PCDH15: variants seen among roughly 807,000 people sequenced by gnomAD.
PCDH15 encodes the protein protocadherin related 15.
In PCDH15, 129 loss-of-function variants were observed where a neutral mutation model predicts 178.5. That is an observed-to-expected ratio of 0.72 (90% CI 0.63 to 0.84). The LOEUF is 0.84. Ranked by LOEUF, PCDH15 falls within the 40% of genes least tolerant of loss-of-function variation. PCDH15 has a pLI of 0.00. For synonymous variants in PCDH15, 800 were observed against 732.0 expected, an observed-to-expected ratio of 1.09 and a Z score of -1.50; for missense variants, 2,230 against 2,099.9, an observed-to-expected ratio of 1.06 and a Z score of -1.21.
At chr10:54,166,733 G>T (rs1396177207) in intron 13 of PCDH15, among the ~76,000 whole-genome samples, 2 of 151,424 alleles carry the variant, frequency 1.3e-5, no homozygotes, top group South Asian at 2.1e-4. Flanking sequence ...GCACTTATAC[G>T]CCCAGATGGC....
intron 2 of PCDH15, among the ~76,000 whole-genome samples, chr10:54,597,861 A>G (rs1369183471): frequency 1.3e-5 from 2 of 152,182 alleles, no homozygotes; most frequent in Non-Finnish European, 2.9e-5. Context: ...GAAATCCTCT[A>G]TGAACACAAA....
intron 9 of PCDH15, among the ~76,000 whole-genome samples, chr10:54,233,594 G>C (rs2054301285): frequency 6.6e-6 from 1 of 152,214 alleles, no homozygotes. Context: ...AGAAGAATGT[G>C]TATTCTGCTG....
At chr10:53,852,990 A>G (rs796542446) in intron 28 of PCDH15, among the ~76,000 whole-genome samples, 53 of 152,196 alleles carry the variant, frequency 3.5e-4, no homozygotes, top group African/African-American at 1.3e-3. Context: ...CATCCCAGAC[A>G]TGGATAGGGG....
At chr10:55,105,604 G>A (rs1047062664) in intron 2 of PCDH15, among the ~76,000 whole-genome samples, 8 of 152,016 alleles carry the variant, frequency 5.3e-5, no homozygotes, top group Admixed American at 1.3e-4. Flanking sequence ...CATATGCAGG[G>A]TAGATGAATT....
chr10:54,448,872 C>T (rs1020617886), intron 3 of PCDH15, among the ~76,000 whole-genome samples: 7 of 151,796 alleles, frequency 4.6e-5, no homozygotes, highest in African/African-American at 7.2e-5. Flanking sequence ...CTTAGTCTTT[C>T]GGGCACAATG....
intron 13 of PCDH15, among the ~76,000 whole-genome samples, chr10:54,175,328 A>T (rs2047334518): frequency 6.6e-6 from 1 of 152,204 alleles, no homozygotes; most frequent in African/African-American, 2.4e-5. Flanking sequence ...AAACTTGAAT[A>T]TTTGAAATTA....
At chr10:54,365,038 T>G (rs1165776734) in intron 5 of PCDH15, among the ~76,000 whole-genome samples, 1 of 152,110 alleles carries the variant, frequency 6.6e-6, no homozygotes, top group African/African-American at 2.4e-5. Context: ...TTCCCTTGCC[T>G]CTCTCTGACT....
At chr10:55,190,197 C>A (rs552670048) in intron 1 of PCDH15, among the ~76,000 whole-genome samples, 43 of 151,556 alleles carry the variant, frequency 2.8e-4, no homozygotes, top group Admixed American at 1.1e-3. Flanking sequence ...ACAGACAAAA[C>A]TAATTTATGG....
intron 32 of PCDH15, chr10:53,822,648 G>GGA: frequency 6.2e-7 from 1 of 1,614,078 alleles, no homozygotes; most frequent in Non-Finnish European, 8.5e-7. Flanking sequence ...ACACTCAGCA[G>GGA]GAGAACTGAT....
intron 2 of PCDH15, among the ~76,000 whole-genome samples, chr10:55,135,720 T>C (rs766353380): frequency 1.3e-5 from 2 of 151,042 alleles, no homozygotes; most frequent in Non-Finnish European, 2.9e-5. Flanking sequence ...GTAGCTGGGG[T>C]TACAGGCACA....
chr10:54,166,159 A>G (rs1002501481), intron 13 of PCDH15, among the ~76,000 whole-genome samples: 1 of 152,112 alleles, frequency 6.6e-6, no homozygotes, highest in Non-Finnish European at 1.5e-5. Flanking sequence ...CATCTTCAAC[A>G]TCATATTATC....
intron 18 of PCDH15, among the ~76,000 whole-genome samples, chr10:54,037,738 G>A (rs577707954): frequency 6.6e-6 from 1 of 152,020 alleles, no homozygotes; most frequent in East Asian, 1.9e-4. Context: ...GTATTGCTTT[G>A]AGAAACAGAA....
intron 2 of PCDH15, among the ~76,000 whole-genome samples, chr10:55,142,495 T>G (rs1347569443): frequency 6.6e-6 from 1 of 151,446 alleles, no homozygotes; most frequent in East Asian, 1.9e-4. Flanking sequence ...AAATATATTT[T>G]CAGGTATTCT....
intron 3 of PCDH15, among the ~76,000 whole-genome samples, chr10:54,516,683 A>G (rs899005030): frequency 1.3e-5 from 2 of 151,934 alleles, no homozygotes; most frequent in Non-Finnish European, 2.9e-5. Context: ...AGGCAGGCCA[A>G]CGTTCAGATT....
At chr10:55,123,812 T>A (rs952298451) in intron 2 of PCDH15, among the ~76,000 whole-genome samples, 12 of 152,136 alleles carry the variant, frequency 7.9e-5, no homozygotes, top group African/African-American at 2.9e-4. Flanking sequence ...CTGCTCTCCA[T>A]TTGTCAGTTT....
intron 3 of PCDH15, among the ~76,000 whole-genome samples, chr10:54,481,334 G>T (rs538449075): frequency 6.6e-6 from 1 of 151,690 alleles, no homozygotes; most frequent in Admixed American, 6.6e-5. Flanking sequence ...TAAATTATAA[G>T]AAATTTAATA....
At chr10:54,380,279 C>T (rs1164432802) in intron 3 of PCDH15, among the ~76,000 whole-genome samples, 1 of 151,852 alleles carries the variant, frequency 6.6e-6, no homozygotes, top group African/African-American at 2.4e-5. Context: ...GACATAATTA[C>T]ATGAATATTG....
At chr10:54,317,141 C>A (rs2061326586) in intron 8 of PCDH15, 130 bp downstream of exon 8, 2 of 931,174 alleles carry the variant, frequency 2.1e-6, no homozygotes, top group African/African-American at 1.6e-5. Context: ...TAGTTTCGGA[C>A]ATAAATATTT....
At chr10:54,267,123 T>G (rs1016672806) in intron 8 of PCDH15, among the ~76,000 whole-genome samples, 2 of 151,832 alleles carry the variant, frequency 1.3e-5, no homozygotes, top group African/African-American at 2.4e-5. Flanking sequence ...GGTTGTTCAA[T>G]ATATGCAAAT....
Sources: allele counts gnomAD v4.1 joint callset (sites outside exome capture counted in the v4.1 genomes callset), GRCh38; gene constraint gnomAD v4.1.1; transcripts MANE v1.5; gene names NCBI Gene and HGNC (gene_info 2026-07-23, HGNC 2026-07-21).